The following CRB1 variants were observed in gnomAD, a reference collection of about 807,000 sequenced individuals.
The protein encoded by CRB1 is crumbs cell polarity complex component 1.
In CRB1, 83 loss-of-function variants were observed where a neutral mutation model predicts 120.0. The ratio of observed to expected loss-of-function variants is 0.69; its 90% confidence interval spans 0.58 to 0.83. The LOEUF is 0.83. Among genes scored for constraint, CRB1 ranks in the 40% least tolerant of loss-of-function variants. The probability of loss-of-function intolerance (pLI) is 0.00; values close to 1 mark genes in which losing one functional copy is unlikely to be tolerated. For synonymous variants in CRB1, 625 were observed against 612.5 expected, an observed-to-expected ratio of 1.02 and a Z score of -0.30; for missense variants, 1,699 against 1,687.6, an observed-to-expected ratio of 1.01 and a Z score of -0.12.
At chr1:197,367,273 C>T (rs1196339556) in intron 5 of CRB1, among the ~76,000 whole-genome samples, 3 of 152,128 alleles carry the variant, frequency 2.0e-5, no homozygotes, top group Admixed American at 2.0e-4. Flanking sequence ...GATGAGAGTA[C>T]ATGGTCTCTT....
chr1:197,282,734 G>A (rs1039891590), intron 1 of CRB1, among the ~76,000 whole-genome samples: 2 of 151,818 alleles, frequency 1.3e-5, no homozygotes, highest in Admixed American at 1.3e-4. Context: ...TGTTCTCAAT[G>A]TCTTGTAAAA....
intron 1 of CRB1, among the ~76,000 whole-genome samples, chr1:197,322,609 T>C (rs1658268377): frequency 6.6e-6 from 1 of 152,168 alleles, no homozygotes; most frequent in Admixed American, 6.5e-5. Context: ...TAACATTCCA[T>C]ATGTAGCTCA....
chr1:197,427,376 C>A, intron 6 of CRB1, 78 bp from the exon 7 acceptor site: 1 of 1,182,244 alleles, frequency 8.5e-7, no homozygotes, highest in South Asian at 1.2e-5. Context: ...GTATAATTTT[C>A]GTCTTCCATC....
the CRB1 span, among the ~76,000 whole-genome samples, chr1:197,241,666 A>G: frequency 6.8e-6 from 1 of 147,272 alleles, no homozygotes; most frequent in African/African-American, 2.5e-5. Context: ...TTTGCTTAGG[A>G]TTGTCTTGGC....
chr1:197,274,792 C>T (rs1308222940), intron 1 of CRB1, among the ~76,000 whole-genome samples: 3 of 152,082 alleles, frequency 2.0e-5, no homozygotes, highest in African/African-American at 4.8e-5. Flanking sequence ...GAAAAATATT[C>T]CATTATATAG....
chr1:197,346,513 T>C (rs909526200), intron 3 of CRB1, among the ~76,000 whole-genome samples: 9 of 152,162 alleles, frequency 5.9e-5, no homozygotes, highest in Non-Finnish European at 1.3e-4. Context: ...CTTACAATAT[T>C]TGGTTTGGTG....
intron 11 of CRB1, chr1:197,443,533 T>G (rs1340139523): frequency 2.6e-5 from 4 of 151,936 alleles, no homozygotes; most frequent in African/African-American, 7.2e-5. Flanking sequence ...ATAAGCACTG[T>G]AGTTTATACA....
intron 2 of CRB1, among the ~76,000 whole-genome samples, chr1:197,341,206 A>G (rs1296461639): frequency 6.6e-6 from 1 of 152,134 alleles, no homozygotes; most frequent in African/African-American, 2.4e-5. Flanking sequence ...TGAGATCTCA[A>G]TGCCTGTGAG....
At chr1:197,448,844 A>G (rs1665824878) in intron 11 of CRB1, among the ~76,000 whole-genome samples, 1 of 152,264 alleles carries the variant, frequency 6.6e-6, no homozygotes, top group Non-Finnish European at 1.5e-5. Context: ...TAAACTGCTC[A>G]AGGCCAGAGG....
intron 5 of CRB1, among the ~76,000 whole-genome samples, chr1:197,359,695 A>G (rs1252340471): frequency 6.6e-6 from 1 of 152,242 alleles, no homozygotes; most frequent in East Asian, 1.9e-4. Flanking sequence ...GTGTGTCTGT[A>G]CCATTTTGCA....
At chr1:197,233,629 C>T in the CRB1 span, among the ~76,000 whole-genome samples, 5 of 152,202 alleles carry the variant, frequency 3.3e-5, no homozygotes, top group Admixed American at 6.5e-5. Flanking sequence ...CCATTTACAT[C>T]GAGATTGGTC....
intron 1 of CRB1, among the ~76,000 whole-genome samples, chr1:197,327,125 A>C (rs1243245125): frequency 1.1e-3 from 159 of 148,740 alleles, no homozygotes; most frequent in Non-Finnish European, 1.9e-3. Flanking sequence ...AAAAAAAAAA[A>C]AAAAAAACAG....
In CRB1 at chr1:197,421,661, C is replaced by T. The variant is rs1474792750; in HGVS notation, c.1833C>T (p.Ser611=). 13 of 1,614,220 alleles carry T rather than the reference C, an allele frequency of 8.1e-6. No individual in the cohort carries two copies. The highest frequency in any genetic ancestry group is 1.1e-5 in the Non-Finnish European group (13 of 1,180,040). Residue 611 remains serine, a synonymous_variant, in exon 6 of 12, where the codon TCC becomes TCT. Transcript: ENST00000367400. ...AATCAATATGTGCTTTTCAGAACTC[C>T]TTTTTGGGTGGTTTACCAGTGGGAA... ...SDQSICAFQN[S]FLGGLPVGMT...
the CRB1 span, among the ~76,000 whole-genome samples, chr1:197,215,761 C>A: frequency 5.3e-5 from 8 of 152,174 alleles, no homozygotes; most frequent in Admixed American, 5.2e-4. Context: ...TTTCCTGAGG[C>A]CTTCCCAGCC....
chr1:197,461,223 C>T (rs2125548051), intron 11 of CRB1, among the ~76,000 whole-genome samples: 1 of 152,266 alleles, frequency 6.6e-6, no homozygotes, highest in African/African-American at 2.4e-5. Context: ...TGACATTGAG[C>T]TTCACATTCA....
chr1:197,240,153 C>T, the CRB1 span, among the ~76,000 whole-genome samples: 1 of 152,030 alleles, frequency 6.6e-6, no homozygotes, highest in Non-Finnish European at 1.5e-5. Context: ...TGTATTTTTG[C>T]TTACCATGTC....
Position 197,291,365 on chromosome 1 carries a change from T to C in CRB1, c.70+22883T>C, listed in dbSNP as rs112519855. The stretch of plus-strand genomic sequence containing the variant: ...CTTTGCAAGTATTTTATTTTAGCTT[T>C]TAATTACATTGGGAAATTTAATATT... On this transcript the variant is annotated intron_variant, in intron 1 of 11. Coordinates refer to ENST00000367400, the MANE Select transcript of CRB1 (RefSeq NM_201253.3). Among the ~76,000 whole-genome samples, 469 of 151,982 alleles carry C rather than the reference T, an allele frequency of 3.1e-3. 3 individuals are homozygous for C. Among genetic ancestry groups the C allele is most frequent in the African/African-American group, 0.01 (435 of 41,524 alleles).
intron 1 of CRB1, among the ~76,000 whole-genome samples, chr1:197,288,984 A>AC (rs1558031764): frequency 6.6e-6 from 1 of 151,568 alleles, no homozygotes; most frequent in Non-Finnish European, 1.5e-5. Context: ...AAAAAAAAAA[A>AC]AAACTTGAAT....
chr1:197,233,820 C>A, the CRB1 span, among the ~76,000 whole-genome samples: 1 of 152,200 alleles, frequency 6.6e-6, no homozygotes, highest in Admixed American at 6.5e-5. Flanking sequence ...GTACATGGGC[C>A]TAATCATTTC....
Sources: gnomAD v4.1 joint callset for allele counts (sites outside exome capture counted in the v4.1 genomes callset) on GRCh38, gnomAD v4.1.1 for gene constraint, MANE v1.5 for transcripts, NCBI Gene and HGNC (gene_info 2026-07-23, HGNC 2026-07-21) for gene names.